SPECC1: variants seen among roughly 807,000 people sequenced by gnomAD.
SPECC1 encodes sperm antigen with calponin homology and coiled-coil domains 1, also known as cytospin-B.
In SPECC1, 62 loss-of-function variants were observed where a neutral mutation model predicts 104.1. That is an observed-to-expected ratio of 0.60 (90% CI 0.49 to 0.74). The LOEUF (loss-of-function observed/expected upper bound fraction) is 0.74. Among genes scored for constraint, SPECC1 ranks in the 30% least tolerant of loss-of-function variants. The probability of loss-of-function intolerance (pLI) is 0.00; values close to 1 mark genes in which losing one functional copy is unlikely to be tolerated. For synonymous variants in SPECC1, 513 were observed against 501.6 expected (o/e 1.02, Z -0.30); for missense variants, 1,306 against 1,310.5 (o/e 1.00, Z 0.05).
Position 20,314,428 on chromosome 17 carries a change from A to C in SPECC1, c.*363A>C, listed in dbSNP as rs2042007406. 6.7e-6 allele frequency: 2 copies of C among 299,898 alleles called. No homozygotes were observed. Among genetic ancestry groups the C allele is most frequent in the Non-Finnish European group, 1.3e-5 (2 of 155,184 alleles). The allele number at this position is 299,898 out of a possible 1,614,324, so 18.6% of individuals were successfully genotyped here. On this transcript the variant is annotated 3_prime_UTR_variant, in exon 15 of 15. Coordinates refer to ENST00000395527, the MANE Select transcript of SPECC1 (RefSeq NM_001243439.2). Reference sequence around the variant, plus strand: ...GAAATTCAGACAAAGAACATCTCCAAATCAGTCTTTTGGTTGCTGTTGTTA... The same window carrying C: ...GAAATTCAGACAAAGAACATCTCCACATCAGTCTTTTGGTTGCTGTTGTTA...
In SPECC1 at chr17:20,315,779, C is replaced by G. The variant is rs1043602123; in HGVS notation, c.*1714C>G. 7.3e-5 allele frequency: 17 copies of G among 232,532 alleles called. No individual in the cohort carries two copies. Among genetic ancestry groups the G allele is most frequent in the Admixed American group, 4.5e-4 (8 of 17,770 alleles). 14.4% of individuals were successfully genotyped at this position (232,532 alleles called of 1,614,324 possible). On this transcript the variant is annotated 3_prime_UTR_variant, in exon 15 of 15. Transcript: ENST00000395527. The stretch of plus-strand genomic sequence containing the variant: ...TGCACGGGTCAGCAGATCCCTGATT[C>G]TCAAGCCACCTTGAGACAAGAACTC...
Position 20,298,948 on chromosome 17 carries a change from A to AGAGAGTGTGTGTGTGT in SPECC1, c.3057+1872_3057+1873insAGAGTGTGTGTGTGTG. ...GAGAGAGAGAGAGAGAGAGAGAGAG[A>AGAGAGTGTGTGTGTGT]GTGTGTGTGTGTGTGTGTGTGTGTA... On this transcript the variant is annotated intron_variant, in intron 13 of 14. Coordinates refer to ENST00000395527, the MANE Select transcript of SPECC1 (RefSeq NM_001243439.2). 2.7e-3 allele frequency among the ~76,000 whole-genome samples: 134 copies of AGAGAGTGTGTGTGTGT among 49,046 alleles called. 2 individuals carry two copies. Among genetic ancestry groups the AGAGAGTGTGTGTGTGT allele is most frequent in the African/African-American group, 0.011 (120 of 10,774 alleles). The allele number at this position is 49,046 out of a possible 152,430, so 32.2% of individuals were successfully genotyped here.
At chr17:20,013,642 C>T (rs2044017198) in intron 1 of SPECC1, among the ~76,000 whole-genome samples, 1 of 152,178 alleles carries the variant, frequency 6.6e-6, no homozygotes, top group Non-Finnish European at 1.5e-5. Flanking sequence ...GCTGGAATTA[C>T]AGGCCTGCAA....
At chr17:20,272,138 A>ATCCCT (rs2040429638) in intron 12 of SPECC1, among the ~76,000 whole-genome samples, 1 of 151,920 alleles carries the variant, frequency 6.6e-6, no homozygotes, top group Admixed American at 6.6e-5. Flanking sequence ...TCAATATGTA[A>ATCCCT]TTCATGACTT....
At chr17:20,156,028 C>A in intron 3 of SPECC1, 1 of 1,285,162 alleles carries the variant, frequency 7.8e-7, no homozygotes, top group South Asian at 2.3e-5. Context: ...CGCGGGAGAG[C>A]AGCGGCTCCG....
intron 3 of SPECC1, among the ~76,000 whole-genome samples, chr17:20,150,754 T>A (rs1452506745): frequency 6.6e-6 from 1 of 152,174 alleles, no homozygotes; most frequent in Non-Finnish European, 1.5e-5. Context: ...ATGTACTTTT[T>A]TTAATGTGTT....
At chr17:20,177,053 A>G (rs72830176) in intron 3 of SPECC1, among the ~76,000 whole-genome samples, 7,768 of 152,300 alleles carry the variant, frequency 0.051, 281 homozygotes, top group Non-Finnish European at 0.078. Flanking sequence ...TTCTGAGGAC[A>G]TTGGGAAAAG....
intron 2 of SPECC1, among the ~76,000 whole-genome samples, chr17:20,107,159 A>AAG (rs1466067393): frequency 6.7e-6 from 1 of 150,284 alleles, no homozygotes; most frequent in African/African-American, 2.4e-5. Flanking sequence ...AAAAAAAAAA[A>AAG]AAAAAAAAAA....
intron 4 of SPECC1, among the ~76,000 whole-genome samples, chr17:20,218,490 C>T (rs1328168392): frequency 6.6e-6 from 1 of 152,172 alleles, no homozygotes; most frequent in Admixed American, 6.5e-5. Context: ...CAGAGTCTCA[C>T]GCCTTTATAA....
intron 10 of SPECC1, among the ~76,000 whole-genome samples, chr17:20,256,657 A>G (rs868329708): frequency 6.6e-6 from 1 of 152,176 alleles, no homozygotes; most frequent in Non-Finnish European, 1.5e-5. Context: ...AGTTTCCTCT[A>G]TAAATATAAA....
intron 12 of SPECC1, among the ~76,000 whole-genome samples, chr17:20,266,914 A>G (rs2040236958): frequency 6.6e-6 from 1 of 152,128 alleles, no homozygotes; most frequent in Non-Finnish European, 1.5e-5. Context: ...CAGAGTAAGG[A>G]GGTCATTACT....
chr17:20,031,154 C>T (rs572725602), intron 1 of SPECC1, among the ~76,000 whole-genome samples: 1 of 152,158 alleles, frequency 6.6e-6, no homozygotes, highest in East Asian at 1.9e-4. Context: ...GCCACCATGC[C>T]TGGCTAATTT....
At chr17:20,114,678 G>T (rs2048671364) in intron 3 of SPECC1, among the ~76,000 whole-genome samples, 1 of 152,056 alleles carries the variant, frequency 6.6e-6, no homozygotes, top group Admixed American at 6.6e-5. Flanking sequence ...TCAACATGAG[G>T]CAAGGAATCA....
intron 3 of SPECC1, among the ~76,000 whole-genome samples, chr17:20,116,668 A>C (rs1597742574): frequency 6.6e-6 from 1 of 152,144 alleles, no homozygotes; most frequent in East Asian, 1.9e-4. Context: ...ATTCCTTTTC[A>C]TCTTGATTCA....
chr17:20,025,831 C>T (rs977228855), intron 1 of SPECC1, among the ~76,000 whole-genome samples: 4 of 152,082 alleles, frequency 2.6e-5, no homozygotes, highest in African/African-American at 7.2e-5. Flanking sequence ...CCAACAGCAG[C>T]GAATGAGGTT....
At chr17:20,107,462 C>CTTTTTT (rs201566147) in intron 2 of SPECC1, among the ~76,000 whole-genome samples, 1 of 132,118 alleles carries the variant, frequency 7.6e-6, no homozygotes, top group Non-Finnish European at 1.6e-5. Context: ...TTTCTTTTTT[C>CTTTTTT]TTTTTTTTTT....
chr17:20,207,509 C>G (rs1029575078), intron 4 of SPECC1, among the ~76,000 whole-genome samples: 4 of 152,232 alleles, frequency 2.6e-5, no homozygotes, highest in Middle Eastern at 3.4e-3. Flanking sequence ...AGTTCTTTAT[C>G]AGTCCCTCTG....
At chr17:20,091,893 A>T (rs116475625) in intron 1 of SPECC1, among the ~76,000 whole-genome samples, 1 of 152,150 alleles carries the variant, frequency 6.6e-6, no homozygotes, top group African/African-American at 2.4e-5. Flanking sequence ...CCTTAAAAGG[A>T]TAATGAAGCT....
At chr17:20,238,115 C>G (rs1007275273) in intron 7 of SPECC1, 3 of 1,028,700 alleles carry the variant, frequency 2.9e-6, no homozygotes, top group Non-Finnish European at 3.5e-6. Flanking sequence ...CAAGGTGCCT[C>G]CAAGCTTTGG....
Sources: allele counts gnomAD v4.1 joint callset (sites outside exome capture counted in the v4.1 genomes callset), GRCh38; gene constraint gnomAD v4.1.1; transcripts MANE v1.5; gene names NCBI Gene and HGNC (gene_info 2026-07-23, HGNC 2026-07-21).